The following GRIK4 variants were observed in gnomAD, a reference collection of about 807,000 sequenced individuals.
GRIK4 encodes the protein glutamate ionotropic receptor kainate type subunit 4.
Under a neutral mutation model 104.9 loss-of-function variants are expected in GRIK4, and 40 were observed. The ratio of observed to expected loss-of-function variants is 0.38; its 90% CI spans 0.30 to 0.50. GRIK4 has a LOEUF of 0.50. Among genes scored for constraint, GRIK4 ranks in the 20% least tolerant of loss-of-function variants. GRIK4 has a pLI of 0.93. For synonymous variants in GRIK4, 485 were observed against 524.9 expected, an observed-to-expected ratio of 0.92 and a Z score of 1.04; for missense variants, 1,047 against 1,308.1, an observed-to-expected ratio of 0.80 and a Z score of 3.08.
intron 8 of GRIK4, among the ~76,000 whole-genome samples, chr11:120,860,477 A>C (rs1424783880): frequency 1.3e-5 from 2 of 152,178 alleles, no homozygotes; most frequent in Non-Finnish European, 2.9e-5. Context: ...CATGGGTTGC[A>C]GGGAGAACTC....
intron 11 of GRIK4, among the ~76,000 whole-genome samples, chr11:120,887,934 T>G (rs1286745497): frequency 2.0e-5 from 3 of 152,080 alleles, no homozygotes; most frequent in Non-Finnish European, 2.9e-5. Flanking sequence ...AAACCCCAGG[T>G]GAAGGGGAGT....
chr11:120,760,491 G>A (rs1951730695), intron 3 of GRIK4, among the ~76,000 whole-genome samples: 1 of 150,842 alleles, frequency 6.6e-6, no homozygotes, highest in Admixed American at 6.6e-5. Flanking sequence ...TACATGTGCA[G>A]AACGTGCAGG....
At chr11:120,654,101 T>A (rs531655091) in intron 2 of GRIK4, among the ~76,000 whole-genome samples, 50 of 152,350 alleles carry the variant, frequency 3.3e-4, no homozygotes, top group African/African-American at 1.2e-3. Flanking sequence ...GGTTGGAAGC[T>A]GTACTGACAT....
chr11:120,662,196 A>G (rs558239197), intron 3 of GRIK4, among the ~76,000 whole-genome samples: 1 of 152,302 alleles, frequency 6.6e-6, no homozygotes, highest in Admixed American at 6.5e-5. Flanking sequence ...GAGGGCTTCA[A>G]AGGCACCCCT....
In GRIK4 at chr11:120,611,396, C is replaced by A. The variant is rs550293406; in HGVS notation, c.-158-42289C>A. On this transcript the variant is annotated intron_variant, in intron 1 of 20. Transcript: ENST00000527524. Reference sequence around the variant, plus strand: ...GGATCACTTGCATCCTGAACACACACACTAAAAAATGATTAGCATTAACGT... The same window carrying A: ...GGATCACTTGCATCCTGAACACACAAACTAAAAAATGATTAGCATTAACGT... Among the ~76,000 whole-genome samples, 134 of 152,282 alleles carry A rather than the reference C, an allele frequency of 8.8e-4. 1 individual carries two copies. The highest frequency in any genetic ancestry group is 2.4e-3 in the Admixed American group (36 of 15,308).
chr11:120,610,886 T>C lies in GRIK4; in HGVS notation c.-158-42799T>C, dbSNP rs118078540. ...CCTGGGTGCAAGCAAAACATGTTGA[T>C]TGGAAACTCTCTGACCAGGTTCTGT... On this transcript the variant is annotated intron_variant, in intron 1 of 20. Transcript: ENST00000527524. Among the ~76,000 whole-genome samples the C allele has an allele frequency of 1.6e-3, 250 of 152,266 alleles. 6 individuals carry two copies. The East Asian group carries it at 0.043, about 26-fold the overall frequency.
chr11:120,690,734 G>T (rs1438301830), intron 3 of GRIK4, among the ~76,000 whole-genome samples: 1 of 152,222 alleles, frequency 6.6e-6, no homozygotes, highest in African/African-American at 2.4e-5. Flanking sequence ...CAGGTGTCTT[G>T]TTCCTTACCC....
At chr11:120,807,117 A>G (rs1409712730) in intron 4 of GRIK4, among the ~76,000 whole-genome samples, 1 of 152,142 alleles carries the variant, frequency 6.6e-6, no homozygotes, top group Non-Finnish European at 1.5e-5. Flanking sequence ...ACAGAGATGG[A>G]CAAGACCTAT....
rs542300901 is a variant in GRIK4 at position 120,892,796 on chromosome 11, C to T, written c.1165-5736C>T. Among the ~76,000 whole-genome samples the T allele has an allele frequency of 1.5e-3, 233 of 152,288 alleles. 1 individual carries two copies. Among genetic ancestry groups the T allele is most frequent in the East Asian group, 8.5e-3 (44 of 5,186 alleles). ...CTATGGGTAGCCCCTACTGATGCCA[C>T]GGAACCATTCACTACAACCCTGTGG... On this transcript the variant is annotated intron_variant, in intron 11 of 20. Coordinates refer to ENST00000527524, the MANE Select transcript of GRIK4 (RefSeq NM_014619.5).
In GRIK4 at chr11:120,646,447, TC is replaced by T. The variant is rs139537723; in HGVS notation, c.-158-7237del. ...TAACCACTCCCTTGTACTGCCTCCT[TC>T]TGGGAGTTTTGTGAAGTTTTGTGAG... On this transcript the variant is annotated intron_variant, in intron 1 of 20. Transcript: ENST00000527524. Among the ~76,000 whole-genome samples the T allele has an allele frequency of 1.2e-4, 19 of 152,304 alleles. No individual in the cohort carries two copies. The East Asian group carries it at 2.5e-3, about 20-fold the overall frequency.
chr11:120,795,769 T>C (rs1412469314), intron 3 of GRIK4, among the ~76,000 whole-genome samples: 1 of 152,166 alleles, frequency 6.6e-6, no homozygotes, highest in East Asian at 1.9e-4. Context: ...TCTGGGTTTT[T>C]TTAAGTACAG....
intron 3 of GRIK4, among the ~76,000 whole-genome samples, chr11:120,770,700 G>A (rs1418492630): frequency 1.3e-5 from 2 of 152,208 alleles, no homozygotes; most frequent in African/African-American, 4.8e-5. Flanking sequence ...CCAAACTCAT[G>A]TATACTTAAC....
chr11:120,563,661 C>T (rs1350963846), intron 1 of GRIK4, among the ~76,000 whole-genome samples: 1 of 152,092 alleles, frequency 6.6e-6, no homozygotes, highest in Non-Finnish European at 1.5e-5. Context: ...GCTGCTAGAC[C>T]CCAGGAACTT....
chr11:120,523,143 G>A (rs1053634068), intron 1 of GRIK4, among the ~76,000 whole-genome samples: 1 of 148,720 alleles, frequency 6.7e-6, no homozygotes, highest in Non-Finnish European at 1.5e-5. Flanking sequence ...AAATCTAAGA[G>A]CACAGAGTAG....
At chr11:120,617,485 T>C (rs1460750503) in intron 1 of GRIK4, among the ~76,000 whole-genome samples, 3 of 152,104 alleles carry the variant, frequency 2.0e-5, no homozygotes, top group African/African-American at 7.2e-5. Flanking sequence ...GCCCAAGTGA[T>C]CCTCCCATCT....
intron 3 of GRIK4, among the ~76,000 whole-genome samples, chr11:120,695,044 G>T (rs1456860015): frequency 1.3e-5 from 2 of 152,144 alleles, no homozygotes; most frequent in African/African-American, 4.8e-5. Context: ...CAGTCCTGCT[G>T]CCTTCTCTCA....
At chr11:120,910,232 G>T (rs1255025315) in intron 13 of GRIK4, among the ~76,000 whole-genome samples, 1 of 152,230 alleles carries the variant, frequency 6.6e-6, no homozygotes, top group Non-Finnish European at 1.5e-5. Flanking sequence ...ACAGCGGAAA[G>T]CATACAGAGA....
At chr11:120,962,909 A>G (rs1591338239) in intron 18 of GRIK4, 1 of 444,464 alleles carries the variant, frequency 2.2e-6, no homozygotes, top group Non-Finnish European at 4.0e-6. Context: ...GAGCTAGTTG[A>G]TTAGTTACTG....
intron 3 of GRIK4, among the ~76,000 whole-genome samples, chr11:120,791,555 A>G (rs577418741): frequency 6.6e-6 from 1 of 152,252 alleles, no homozygotes; most frequent in African/African-American, 2.4e-5. Flanking sequence ...CTCCCCACCT[A>G]TGGCTTGTCT....
Sources: allele counts gnomAD v4.1 joint callset (sites outside exome capture counted in the v4.1 genomes callset), GRCh38; gene constraint gnomAD v4.1.1; transcripts MANE v1.5; gene names NCBI Gene and HGNC (gene_info 2026-07-23, HGNC 2026-07-21).